RRP1: variants seen among roughly 807,000 people sequenced by gnomAD.
The protein encoded by RRP1 is ribosomal RNA processing 1, also known as ribosomal RNA processing protein 1 homolog A.
In RRP1, 37 loss-of-function variants were observed where a neutral mutation model predicts 54.6. The observed-to-expected ratio is 0.68, with a 90% confidence interval of 0.52 to 0.89. The LOEUF is 0.89. Ranked by LOEUF, RRP1 falls within the 40% of genes least tolerant of loss-of-function variation. The pLI is 0.00. For missense variants in RRP1, 639 were observed against 612.5 expected (o/e 1.04, Z -0.46); for synonymous variants, 262 against 244.3 (o/e 1.07, Z -0.67).
intron 8 of RRP1, 113 bp from the exon 9 acceptor site, chr21:43,799,457 C>CAAA: frequency 8.9e-7 from 1 of 1,124,066 alleles, no homozygotes. Flanking sequence ...GGGTGTTTCC[C>CAAA]GCCTGTGCCC....
intron 3 of RRP1, chr21:43,793,092 T>C (rs577808127): frequency 3.2e-5 from 18 of 566,362 alleles, no homozygotes; most frequent in Non-Finnish European, 5.6e-5. Context: ...GTGACCGGAG[T>C]TGAGAAGTTC....
intron 5 of RRP1, among the ~76,000 whole-genome samples, chr21:43,796,603 G>T (rs183085308): frequency 5.3e-5 from 8 of 152,246 alleles, no homozygotes; most frequent in South Asian, 2.1e-4. Context: ...TGGGAAGTCG[G>T]TCCCTTGCAT....
rs1601867377 is a variant in RRP1 at position 43,793,554 on chromosome 21, G to T, written c.360+150G>T. 5 of 638,078 alleles carry T rather than the reference G, an allele frequency of 7.8e-6. No individual in the cohort carries two copies. In the East Asian group the frequency reaches 8.3e-5, roughly 11 times the overall value. The allele number at this position is 638,078 out of a possible 1,614,324, so 39.5% of individuals were successfully genotyped here. A position where few individuals can be genotyped will look rare whatever the true frequency, so the allele number is the denominator to read the frequency against. On this transcript the variant is annotated intron_variant, in intron 4 of 12. Coordinates refer to ENST00000497547, the MANE Select transcript of RRP1 (RefSeq NM_003683.6). ...GGAGGTGGAGCCGAGACTCTGGGCG[G>T]TCCCTGACCAGGGCTCTGCAGCTTT...
Position 43,789,771 on chromosome 21 carries a change from G to T in RRP1, c.133+9G>T. On this transcript the variant is annotated intron_variant, in intron 1 of 12. Coordinates refer to ENST00000497547, the MANE Select transcript of RRP1 (RefSeq NM_003683.6). The stretch of plus-strand genomic sequence containing the variant: ...GACTCAGCGGGCCGCAGGTTGGCGG[G>T]GGTGTGGGCGGCTGGCGTCTCGGGG... 6.6e-7 allele frequency: 1 copy of T among 1,510,006 alleles called. No individual in the cohort carries two copies. Among genetic ancestry groups the T allele is most frequent in the Non-Finnish European group, 8.9e-7 (1 of 1,127,304 alleles). 93.5% of individuals were successfully genotyped at this position (1,510,006 alleles called of 1,614,324 possible). A position where few individuals can be genotyped will look rare whatever the true frequency, so the allele number is the denominator to read the frequency against.
At chr21:43,802,130 C>T (rs2838384) in intron 11 of RRP1, 144 bp from the exon 12 acceptor site, 154,123 of 618,456 alleles carry the variant, frequency 0.25, 21,218 homozygotes, top group East Asian at 0.47. Flanking sequence ...GTACTGAACA[C>T]GCTGCTCCTG....
chr21:43,801,020 G>A, intron 11 of RRP1, 139 bp downstream of exon 11: 1 of 939,874 alleles, frequency 1.1e-6, no homozygotes, highest in Non-Finnish European at 1.7e-6. Context: ...TGAGGGACAG[G>A]GAGGCAGGGC....
chr21:43,795,082 A>G, intron 4 of RRP1, 107 bp from the exon 5 acceptor site: 1 of 1,092,154 alleles, frequency 9.2e-7, no homozygotes, highest in Non-Finnish European at 1.4e-6. Flanking sequence ...GGCAGAGGTC[A>G]CCACGGCCAT....
Position 43,795,106 on chromosome 21 carries a change from A to C in RRP1, c.361-83A>C, listed in dbSNP as rs2085004667. The C allele has an allele frequency of 4.7e-6, 6 of 1,288,030 alleles. No homozygotes were observed. The South Asian group carries it at 7.2e-5, about 15-fold the overall frequency. 79.8% of individuals were successfully genotyped at this position (1,288,030 alleles called of 1,614,324 possible). ...CACCACGGCCATGACTTTATCCTGCAGCGGATGGTGGTACATGGGGATGGG... is the reference window on the plus strand; with the variant it reads ...CACCACGGCCATGACTTTATCCTGCCGCGGATGGTGGTACATGGGGATGGG... On this transcript the variant is annotated intron_variant, in intron 4 of 12. Coordinates refer to ENST00000497547, the MANE Select transcript of RRP1 (RefSeq NM_003683.6).
In RRP1 at chr21:43,797,661, G is replaced by C. The variant is rs371737632; in HGVS notation, c.583G>C (p.Asp195His). 41 of 1,613,950 alleles carry C rather than the reference G, an allele frequency of 2.5e-5. No homozygotes were observed. Among genetic ancestry groups the C allele is most frequent in the Non-Finnish European group, 3.2e-5 (38 of 1,180,030 alleles). The change falls in exon 7 of 13, where the codon GAC becomes CAC. Residue 195 changes from aspartate (D) to histidine (H), a missense_variant. Asp to His is a moderately conservative substitution (Grantham distance 81, BLOSUM62 -1). Coordinates refer to ENST00000497547, the MANE Select transcript of RRP1 (RefSeq NM_003683.6). Reference sequence around the variant, plus strand: ...GGCAGACCAGAACCTGAAGTTCATCGACCCCTTCTGCAGAATTGCTGCCCG... The same window carrying C: ...GGCAGACCAGAACCTGAAGTTCATCCACCCCTTCTGCAGAATTGCTGCCCG... ...LTADQNLKFIDPFCRIAARTK... is the reference protein window; with the variant it reads ...LTADQNLKFIHPFCRIAARTK...
At chr21:43,793,268 G>A (rs767926102) in intron 3 of RRP1, 51 bp from the exon 4 acceptor site, 1 of 1,544,524 alleles carries the variant, frequency 6.5e-7, no homozygotes, top group Non-Finnish European at 8.9e-7. Flanking sequence ...TCCCTCCCCA[G>A]AGTGGCTTCG....
chr21:43,795,038 C>A, intron 4 of RRP1, 151 bp from the exon 5 acceptor site: 1 of 719,990 alleles, frequency 1.4e-6, no homozygotes. Flanking sequence ...GTCTGTCTGT[C>A]AGCAGCTCTG....
intron 11 of RRP1, 105 bp from the exon 12 acceptor site, chr21:43,802,169 A>G (rs1242340774): frequency 1.3e-6 from 1 of 769,838 alleles, no homozygotes; most frequent in African/African-American, 1.7e-5. Flanking sequence ...TTTCTCACAC[A>G]CATTGTCAGG....
At chr21:43,792,171 C>G (rs2084966989) in intron 2 of RRP1, among the ~76,000 whole-genome samples, 1 of 152,144 alleles carries the variant, frequency 6.6e-6, no homozygotes, top group African/African-American at 2.4e-5. Context: ...GGTTCCTGGG[C>G]CATATTCCAT....
In RRP1 at chr21:43,791,214, C is replaced by G; in HGVS notation, c.134-136C>G. On this transcript the variant is annotated intron_variant, in intron 1 of 12. Transcript: ENST00000497547. The stretch of plus-strand genomic sequence containing the variant: ...TAGAAGGATTGTTTGAAGGGGAGGG[C>G]CAGATTCTGCCCCCCAGTTGCCTTT... 5.8e-6 allele frequency: 5 copies of G among 859,742 alleles called. No individual in the cohort carries two copies. The South Asian group carries it at 6.9e-5, about 12-fold the overall frequency. The allele number at this position is 859,742 out of a possible 1,614,324, so 53.3% of individuals were successfully genotyped here.
chr21:43,793,754 C>T (rs531043822), intron 4 of RRP1, among the ~76,000 whole-genome samples: 9 of 152,354 alleles, frequency 5.9e-5, no homozygotes, highest in East Asian at 1.9e-4. Flanking sequence ...AGAGGAGCTG[C>T]GGTCACGCCC....
chr21:43,791,308 G>C (rs2084954958), intron 1 of RRP1, 42 bp from the exon 2 acceptor site: 4 of 1,598,984 alleles, frequency 2.5e-6, no homozygotes, highest in Non-Finnish European at 3.4e-6. Context: ...GCACTCGAAG[G>C]TGTGGGATTC....
chr21:43,792,781 A>G, intron 3 of RRP1, 52 bp downstream of exon 3: 1 of 1,580,194 alleles, frequency 6.3e-7, no homozygotes, highest in Non-Finnish European at 8.7e-7. Context: ...AGAACCTCTG[A>G]GCATCAGAGC....
At chr21:43,802,572 T>C in intron 12 of RRP1, 185 bp downstream of exon 12, 1 of 577,416 alleles carries the variant, frequency 1.7e-6, no homozygotes, top group Non-Finnish European at 3.2e-6. Flanking sequence ...GGCCTCTCCC[T>C]GCCTCCCCCA....
chr21:43,803,701 G>A lies in RRP1; in HGVS notation c.1313G>A (p.Arg438Gln), dbSNP rs763607317. 1.0e-5 allele frequency: 16 copies of A among 1,556,050 alleles called. No homozygotes were observed. The South Asian group carries it at 1.1e-4, about 10-fold the overall frequency. The change falls in exon 13 of 13, where the codon CGG (arginine) becomes CAG (glutamine). Residue 438 changes from arginine to glutamine, a missense_variant. Transcript: ENST00000497547. ...GCTCGCCAGAGAAGGAGGACACCTC[G>A]GCCCCTGACCAGTGCCCGAGCAAAG... ...RGARQRRRTP[R>Q]PLTSARAKAA...
Sources: allele counts gnomAD v4.1 joint callset (sites outside exome capture counted in the v4.1 genomes callset), GRCh38; gene constraint gnomAD v4.1.1; transcripts MANE v1.5; gene names NCBI Gene and HGNC (gene_info 2026-07-23, HGNC 2026-07-21).